Variants in GLRA3 observed in about 807,000 individuals in gnomAD.
GLRA3 encodes glycine receptor subunit alpha-3.
In GLRA3, 44 loss-of-function variants were observed where a neutral mutation model predicts 60.4. The ratio of observed to expected loss-of-function variants is 0.73; its 90% CI spans 0.57 to 0.94. The LOEUF (loss-of-function observed/expected upper bound fraction) is 0.94, where lower values mean the gene tolerates loss of function less well. Ranked by LOEUF, GLRA3 falls within the 40% of genes least tolerant of loss-of-function variation. GLRA3 has a pLI of 0.00. For synonymous variants in GLRA3, 223 were observed against 192.9 expected (o/e 1.16, Z -1.29); for missense variants, 508 against 564.6 (o/e 0.90, Z 1.02).
chr4:174,644,387 T>C (rs1170300516), intron 9 of GLRA3, among the ~76,000 whole-genome samples: 2 of 149,280 alleles, frequency 1.3e-5, no homozygotes, highest in Non-Finnish European at 3.0e-5. Context: ...TATTGTGTTA[T>C]ATATGTTCAT....
chr4:174,772,240 G>A (rs1738419205), intron 2 of GLRA3, among the ~76,000 whole-genome samples: 1 of 152,122 alleles, frequency 6.6e-6, no homozygotes, highest in African/African-American at 2.4e-5. Flanking sequence ...CATTGTATTT[G>A]AAACAGACTT....
At chr4:174,801,912 T>C (rs1231855592) in intron 1 of GLRA3, among the ~76,000 whole-genome samples, 1 of 152,096 alleles carries the variant, frequency 6.6e-6, no homozygotes, top group Non-Finnish European at 1.5e-5. Context: ...TATGTCTATC[T>C]GCCTCCTTTG....
At chr4:174,695,427 G>A (rs1735013642) in intron 5 of GLRA3, among the ~76,000 whole-genome samples, 1 of 152,058 alleles carries the variant, frequency 6.6e-6, no homozygotes, top group Non-Finnish European at 1.5e-5. Flanking sequence ...TGCAAGATTG[G>A]TTCAACATAT....
intron 9 of GLRA3, among the ~76,000 whole-genome samples, chr4:174,650,764 A>G (rs928347041): frequency 3.3e-5 from 5 of 152,208 alleles, no homozygotes; most frequent in African/African-American, 4.8e-5. Context: ...CAATGGGCCA[A>G]TGATGGACCC....
In GLRA3 at chr4:174,735,887, T is replaced by A. The variant is rs768561563; in HGVS notation, c.268-7189A>T. Among the ~76,000 whole-genome samples, 91 of 152,316 alleles carry A rather than the reference T, an allele frequency of 6.0e-4. 1 individual carries two copies. The highest frequency in any genetic ancestry group is 2.1e-3 in the African/African-American group (86 of 41,580). ...ATTTAATATGTGGGCATCTGCTTAC[T>A]ATTATTTTTGGACCTTCACTAAACA... On this transcript the variant is annotated intron_variant, in intron 3 of 9. Coordinates refer to ENST00000274093, the MANE Select transcript of GLRA3 (RefSeq NM_006529.4).
In GLRA3 at chr4:174,815,958, A is replaced by T. The variant is rs147500175; in HGVS notation, c.71+12783T>A. On this transcript the variant is annotated intron_variant, in intron 1 of 9. Coordinates refer to ENST00000274093, the MANE Select transcript of GLRA3 (RefSeq NM_006529.4). ...ATGGGAGTTTCTTTTCCGTGGCATC[A>T]TCAGGCTACAAATTTTCTGAACTTT... Among the ~76,000 whole-genome samples the T allele has an allele frequency of 2.7e-3, 407 of 152,288 alleles. 7 individuals carry two copies. The East Asian group carries it at 0.031, about 12-fold the overall frequency.
intron 6 of GLRA3, among the ~76,000 whole-genome samples, chr4:174,682,510 G>A (rs1734388796): frequency 1.3e-5 from 2 of 152,076 alleles, no homozygotes; most frequent in Admixed American, 1.3e-4. Flanking sequence ...ATTGTTCACA[G>A]AAATTAAAGG....
chr4:174,762,964 T>G (rs931533834), intron 3 of GLRA3, among the ~76,000 whole-genome samples: 4 of 152,202 alleles, frequency 2.6e-5, no homozygotes, highest in Admixed American at 2.6e-4. Context: ...AATTGATTTT[T>G]TCATGTTATT....
At chr4:174,694,682 A>G (rs985210277) in intron 5 of GLRA3, among the ~76,000 whole-genome samples, 21 of 152,180 alleles carry the variant, frequency 1.4e-4, no homozygotes, top group Non-Finnish European at 1.2e-4. Flanking sequence ...AGAATTAGAG[A>G]AGCAAAAACA....
At chr4:174,693,245 AG>A (rs1734929125) in intron 5 of GLRA3, among the ~76,000 whole-genome samples, 1 of 152,182 alleles carries the variant, frequency 6.6e-6, no homozygotes, top group South Asian at 2.1e-4. Context: ...TTTTATGTCC[AG>A]GATTGTATTT....
intron 6 of GLRA3, among the ~76,000 whole-genome samples, chr4:174,678,311 G>A (rs1182882033): frequency 6.6e-6 from 1 of 151,968 alleles, no homozygotes; most frequent in African/African-American, 2.4e-5. Context: ...TATTGATATT[G>A]ATTTATACTA....
At chr4:174,717,856 TC>T (rs1332316017) in intron 4 of GLRA3, among the ~76,000 whole-genome samples, 1 of 152,338 alleles carries the variant, frequency 6.6e-6, no homozygotes, top group East Asian at 1.9e-4. Context: ...ACATTAATTT[TC>T]CAAATATCCA....
intron 1 of GLRA3, among the ~76,000 whole-genome samples, chr4:174,810,458 A>T (rs1740218559): frequency 6.6e-6 from 1 of 151,596 alleles, no homozygotes; most frequent in African/African-American, 2.4e-5. Flanking sequence ...TTATATACAT[A>T]TGTATTTATT....
chr4:174,726,100 T>C (rs960299005), intron 4 of GLRA3, among the ~76,000 whole-genome samples: 2 of 152,222 alleles, frequency 1.3e-5, no homozygotes, highest in African/African-American at 2.4e-5. Context: ...CCACTGACAC[T>C]ATGGTGAGAG....
intron 1 of GLRA3, among the ~76,000 whole-genome samples, chr4:174,795,149 TAATTA>T (rs1478692679): frequency 7.9e-5 from 12 of 152,006 alleles, no homozygotes; most frequent in Non-Finnish European, 1.5e-4. Context: ...ATGCAATTAA[TAATTA>T]AATTAAACTG....
At chr4:174,671,384 G>C (rs1430938538) in intron 7 of GLRA3, among the ~76,000 whole-genome samples, 1 of 151,570 alleles carries the variant, frequency 6.6e-6, no homozygotes, top group African/African-American at 2.4e-5. Context: ...AAAATTTAAG[G>C]GTTTTTTTTT....
intron 3 of GLRA3, among the ~76,000 whole-genome samples, chr4:174,731,333 A>G (rs1156396685): frequency 1.3e-5 from 2 of 152,192 alleles, no homozygotes; most frequent in Non-Finnish European, 2.9e-5. Context: ...ATGTGTAAAG[A>G]AAGGGGCAAG....
chr4:174,725,794 A>G (rs1736300060), intron 4 of GLRA3, among the ~76,000 whole-genome samples: 1 of 152,008 alleles, frequency 6.6e-6, no homozygotes, highest in Non-Finnish European at 1.5e-5. Context: ...CATCTTTGTC[A>G]TTTGGATGTT....
chr4:174,766,813 C>A (rs1738158664), intron 3 of GLRA3, 150 bp downstream of exon 3: 2 of 494,988 alleles, frequency 4.0e-6, no homozygotes, highest in African/African-American at 3.9e-5. Context: ...AATGTTATTA[C>A]CTGCAGGTGA....
Sources: allele counts gnomAD v4.1 joint callset (sites outside exome capture counted in the v4.1 genomes callset), GRCh38; gene constraint gnomAD v4.1.1; transcripts MANE v1.5; gene names NCBI Gene and HGNC (gene_info 2026-07-23, HGNC 2026-07-21).